The following MTNR1B variants were observed in gnomAD, a reference collection of about 807,000 sequenced individuals.
The protein encoded by MTNR1B is melatonin receptor 1B.
A neutral mutation model predicts 7.0 loss-of-function variants in MTNR1B; 7 were observed. That is an observed-to-expected ratio of 1.00 (90% CI 0.57 to 1.88). The LOEUF is 1.88. Among genes scored for constraint, MTNR1B ranks in the 40% most tolerant of loss-of-function variants. The probability of loss-of-function intolerance (pLI) is 0.00; values close to 1 mark genes in which losing one functional copy is unlikely to be tolerated. For synonymous variants in MTNR1B, 226 were observed against 208.2 expected (o/e 1.09, Z -0.74); for missense variants, 478 against 486.5 (o/e 0.98, Z 0.16).
At chr11:92,974,622 G>A (rs1298611133) in intron 1 of MTNR1B, among the ~76,000 whole-genome samples, 2 of 147,954 alleles carry the variant, frequency 1.4e-5, no homozygotes, top group Admixed American at 1.3e-4. Flanking sequence ...TTTTTTTTCT[G>A]AGACAGAGTC....
chr11:92,978,726 C>T (rs1453266423), intron 1 of MTNR1B, among the ~76,000 whole-genome samples: 3 of 152,214 alleles, frequency 2.0e-5, no homozygotes, highest in Admixed American at 1.3e-4. Context: ...CTTTTAGGAA[C>T]AGCCAGAGTA....
intron 1 of MTNR1B, 152 bp from the exon 2 acceptor site, chr11:92,981,295 C>A: frequency 8.8e-7 from 1 of 1,136,110 alleles, no homozygotes; most frequent in Non-Finnish European, 1.2e-6. Context: ...TAGTGAGTGG[C>A]AGAAATGCAA....
intron 1 of MTNR1B, among the ~76,000 whole-genome samples, chr11:92,970,781 T>C (rs570908530): frequency 5.2e-4 from 79 of 152,330 alleles, no homozygotes; most frequent in African/African-American, 1.8e-3. Context: ...CTCAGTCACC[T>C]GTTTGTTAAT....
chr11:92,979,526 A>G (rs1858063803), intron 1 of MTNR1B, among the ~76,000 whole-genome samples: 1 of 152,256 alleles, frequency 6.6e-6, no homozygotes, highest in African/African-American at 2.4e-5. Flanking sequence ...GTAGGAATCC[A>G]GCAGTTCAGT....
rs1858115234 is a variant in MTNR1B, at chr11:92,981,940, G to T, written c.717G>T (p.Arg239Ser). 6.2e-7 allele frequency: 1 copy of T among 1,614,130 alleles called. No homozygotes were observed. The highest frequency in any genetic ancestry group is 1.3e-5 in the African/African-American group (1 of 74,946). The change falls in exon 2 of 2, where the codon AGG (arginine) becomes AGT (serine). Residue 239 changes from arginine to serine, a missense_variant. Coordinates refer to ENST00000257068, the MANE Select transcript of MTNR1B (RefSeq NM_005959.5). ...GCAGGAAAGCCAAGCCAGAGAGCAGGCTGTGCCTGAAGCCCAGCGACTTGC... is the reference window on the plus strand; with the variant it reads ...GCAGGAAAGCCAAGCCAGAGAGCAGTCTGTGCCTGAAGCCCAGCGACTTGC... ...QARRKAKPES[R>S]LCLKPSDLRS...
intron 1 of MTNR1B, among the ~76,000 whole-genome samples, chr11:92,972,970 T>G (rs576562605): frequency 6.6e-6 from 1 of 152,274 alleles, no homozygotes; most frequent in Admixed American, 6.5e-5. Context: ...CATTTTAATG[T>G]AGTTGTGGAC....
At position 92,969,668 on chromosome 11, in the gene MTNR1B, C is replaced by T. The variant is rs1003032735; in HGVS notation, c.-58C>T. On this transcript the variant is annotated 5_prime_UTR_variant, in exon 1 of 2. Transcript: ENST00000257068. ...AGAGCGCCCGGCTCAGTACTGCGCG[C>T]GCCCTGCGGCTGTCCGGGGCCGCGC... 1.2e-5 allele frequency: 16 copies of T among 1,372,472 alleles called. No individual in the cohort carries two copies. The highest frequency in any genetic ancestry group is 9.6e-5 in the Admixed American group (3 of 31,178). 85.0% of individuals were successfully genotyped at this position (1,372,472 alleles called of 1,614,324 possible).
At chr11:92,971,893 C>T (rs145155407) in intron 1 of MTNR1B, among the ~76,000 whole-genome samples, 2 of 152,206 alleles carry the variant, frequency 1.3e-5, no homozygotes, top group African/African-American at 4.8e-5. Context: ...TCTTTCCTAC[C>T]TCCTGATGTG....
At chr11:92,981,077 C>A (rs1176177855) in intron 1 of MTNR1B, among the ~76,000 whole-genome samples, 1 of 152,214 alleles carries the variant, frequency 6.6e-6, no homozygotes, top group Admixed American at 6.5e-5. Flanking sequence ...CCTCCGAAAT[C>A]TTTGCTGGAG....
intron 1 of MTNR1B, 50 bp downstream of exon 1, chr11:92,969,998 T>G: frequency 6.7e-7 from 1 of 1,497,208 alleles, no homozygotes; most frequent in South Asian, 1.3e-5. Context: ...CTTCCTTGTC[T>G]TCTGATCTTG....
intron 1 of MTNR1B, among the ~76,000 whole-genome samples, chr11:92,973,801 A>G (rs1857968936): frequency 6.6e-6 from 1 of 152,150 alleles, no homozygotes; most frequent in Admixed American, 6.6e-5. Context: ...GTTTCTGTCC[A>G]CAGAGCCAGA....
intron 1 of MTNR1B, among the ~76,000 whole-genome samples, chr11:92,970,615 G>C (rs774147447): frequency 2.0e-5 from 3 of 152,150 alleles, no homozygotes; most frequent in Non-Finnish European, 2.9e-5. Context: ...AAATCGTGTT[G>C]TAATCCTGAA....
intron 1 of MTNR1B, among the ~76,000 whole-genome samples, chr11:92,970,763 G>A (rs1240863252): frequency 2.6e-5 from 4 of 152,166 alleles, no homozygotes; most frequent in Non-Finnish European, 1.5e-5. Context: ...CTTCAGCTTA[G>A]GAAGGAGCTC....
At position 92,981,511 on chromosome 11, in the gene MTNR1B, A is replaced by T. The variant is rs1424952141; in HGVS notation, c.288A>T (p.Leu96=). The change falls in exon 2 of 2, where the codon CTA becomes CTT. Residue 96 remains leucine (L), a synonymous_variant. Coordinates refer to ENST00000257068, the MANE Select transcript of MTNR1B (RefSeq NM_005959.5). The stretch of plus-strand genomic sequence containing the variant: ...TGGTGGCCTTCTACCCCTACCCGCT[A>T]ATCCTCGTGGCCATCTTCTATGACG... ...DLVVAFYPYP[L]ILVAIFYDGW... is the part of the protein sequence containing the mutation. 1.2e-6 allele frequency: 2 copies of T among 1,613,876 alleles called. No homozygotes were observed. The highest frequency in any genetic ancestry group is 3.3e-5 in the Admixed American group (2 of 59,988).
At chr11:92,981,366 TAA>T in intron 1 of MTNR1B, 79 bp from the exon 2 acceptor site, 1 of 1,521,220 alleles carries the variant, frequency 6.6e-7, no homozygotes, top group Non-Finnish European at 8.8e-7. Flanking sequence ...TTGCCAAAAG[TAA>T]CTTCGTGGAG....
chr11:92,970,282 G>A (rs755055805), intron 1 of MTNR1B, among the ~76,000 whole-genome samples: 25 of 152,304 alleles, frequency 1.6e-4, no homozygotes, highest in Middle Eastern at 3.4e-3. Flanking sequence ...CTTTCCAGAG[G>A]TGCCCACATC....
intron 1 of MTNR1B, among the ~76,000 whole-genome samples, chr11:92,973,754 G>A (rs1212094811): frequency 2.0e-5 from 3 of 152,162 alleles, no homozygotes; most frequent in African/African-American, 4.8e-5. Context: ...TCTCCCCGCT[G>A]GACCGTGTAC....
At chr11:92,972,653 G>A (rs1013842521) in intron 1 of MTNR1B, 3 of 412,064 alleles carry the variant, frequency 7.3e-6, no homozygotes, top group South Asian at 3.5e-5. Flanking sequence ...CCATGGCACT[G>A]GGTTGGCACC....
In MTNR1B at chr11:92,982,048, C is replaced by T; in HGVS notation, c.825C>T (p.Ala275=). 3.7e-6 allele frequency: 6 copies of T among 1,614,250 alleles called. No homozygotes were observed. The highest frequency in any genetic ancestry group is 5.1e-6 in the Non-Finnish European group (6 of 1,180,050). The change falls in exon 2 of 2, where the codon GCC becomes GCT. Residue 275 remains alanine (A), a synonymous_variant. Transcript: ENST00000257068. Reference sequence around the variant, plus strand: ...TTAACTGCATCGGCCTCGCTGTGGCCATCAACCCCCAAGAAATGGCTCCCC... The same window carrying T: ...TTAACTGCATCGGCCTCGCTGTGGCTATCAACCCCCAAGAAATGGCTCCCC... ...APLNCIGLAV[A]INPQEMAPQI... is the part of the protein sequence containing the mutation.
Sources: allele counts gnomAD v4.1 joint callset (sites outside exome capture counted in the v4.1 genomes callset), GRCh38; gene constraint gnomAD v4.1.1; transcripts MANE v1.5; gene names NCBI Gene and HGNC (gene_info 2026-07-23, HGNC 2026-07-21).